SEH1L: variants seen among roughly 807,000 people sequenced by gnomAD.
The protein encoded by SEH1L is SEH1 like nucleoporin, also known as nucleoporin SEH1.
In SEH1L, 18 loss-of-function variants were observed where a neutral mutation model predicts 49.5. The ratio of observed to expected loss-of-function variants is 0.36; its 90% CI spans 0.25 to 0.54. The LOEUF (loss-of-function observed/expected upper bound fraction) is 0.54, where lower values mean the gene tolerates loss of function less well. Among genes scored for constraint, SEH1L ranks in the 20% least tolerant of loss-of-function variants. The pLI is 0.87. For missense variants in SEH1L, 404 were observed against 528.8 expected (o/e 0.76, Z 2.31); for synonymous variants, 169 against 178.1 (o/e 0.95, Z 0.41).
intron 8 of SEH1L, chr18:12,986,645 C>T (rs1312182731): frequency 8.4e-7 from 1 of 1,189,360 alleles, no homozygotes; most frequent in Non-Finnish European, 1.0e-6. Flanking sequence ...AGTTTCTATA[C>T]TTGCTTAAGC....
chr18:12,952,783 T>TC (rs1244564612), intron 2 of SEH1L, among the ~76,000 whole-genome samples: 2 of 148,474 alleles, frequency 1.3e-5, no homozygotes, highest in African/African-American at 5.0e-5. Flanking sequence ...TCTCTTCTTT[T>TC]CTTTTTTTTT....
chr18:12,971,416 A>G lies in SEH1L; in HGVS notation c.620+165A>G, dbSNP rs945297813. On this transcript the variant is annotated intron_variant, in intron 5 of 8. Transcript: ENST00000399892. The stretch of plus-strand genomic sequence containing the variant: ...GGCTGTGATAGCACAGGCATGAGTG[A>G]TAAAGAGGAGAAAGTAGACCAGCCT... 21 of 484,740 alleles carry G rather than the reference A, an allele frequency of 4.3e-5. No homozygotes were observed. In the South Asian group the frequency reaches 5.0e-4, roughly 12 times the overall value. 30.0% of individuals were successfully genotyped at this position (484,740 alleles called of 1,614,324 possible). A position where few individuals can be genotyped will look rare whatever the true frequency, so the allele number is the denominator to read the frequency against.
chr18:12,955,635 G>A (rs758405955), intron 3 of SEH1L, 26 bp downstream of exon 3: 2 of 1,608,916 alleles, frequency 1.2e-6, no homozygotes, highest in South Asian at 1.1e-5. Flanking sequence ...GTATTCTGGG[G>A]ACCGGGAAGA....
rs762036284 is a variant in SEH1L at position 12,978,909 on chromosome 18, T to G, written c.761+17T>G. ...GCCTGTGAGGTGAGTTTTAGAAGCA[T>G]TTATGAATTTGAAAATACTCTTGCC... On this transcript the variant is annotated intron_variant, in intron 6 of 8. Transcript: ENST00000399892. 44 of 1,610,584 alleles carry G rather than the reference T, an allele frequency of 2.7e-5. No individual in the cohort carries two copies. The Admixed American group carries it at 2.8e-4, about 10-fold the overall frequency.
chr18:12,982,007 C>CCGCCACCAT (rs1469366937), intron 6 of SEH1L, among the ~76,000 whole-genome samples: 1 of 151,724 alleles, frequency 6.6e-6, no homozygotes, highest in African/African-American at 2.4e-5. Flanking sequence ...CTACAGGCGC[C>CCGCCACCAT]CGCCACCATG....
At chr18:12,979,702 CCCCCCCA>C (rs1469008357) in intron 6 of SEH1L, among the ~76,000 whole-genome samples, 3 of 148,532 alleles carry the variant, frequency 2.0e-5, no homozygotes, top group South Asian at 2.1e-4. Context: ...GGGGGGCTGA[CCCCCCCA>C]CCTCCCTCCC....
chr18:12,959,478 G>A (rs1208542021), intron 3 of SEH1L, among the ~76,000 whole-genome samples: 21 of 152,170 alleles, frequency 1.4e-4, no homozygotes, highest in Admixed American at 1.4e-3. Context: ...ACCGTGGCCA[G>A]CCCCAGTTAA....
At chr18:12,986,230 T>A (rs2032451922) in intron 8 of SEH1L, 1 of 985,378 alleles carries the variant, frequency 1.0e-6, no homozygotes, top group African/African-American at 1.7e-5. Flanking sequence ...TTTGCTAATA[T>A]GCGTAAGTAT....
chr18:12,986,520 TCAG>T, intron 8 of SEH1L: 1 of 976,916 alleles, frequency 1.0e-6, no homozygotes, highest in Non-Finnish European at 1.2e-6. Flanking sequence ...CAGAATAGCA[TCAG>T]ATGTTTCTGA....
intron 6 of SEH1L, among the ~76,000 whole-genome samples, chr18:12,980,274 C>T (rs1430277508): frequency 4.5e-5 from 6 of 133,306 alleles, no homozygotes; most frequent in East Asian, 2.9e-4. Flanking sequence ...CCGGTCGGGG[C>T]GGCTGGCCGG....
chr18:12,986,233 G>A lies in SEH1L; in HGVS notation c.1071-629G>A, dbSNP rs1010740636. 2.7e-5 allele frequency: 27 copies of A among 985,196 alleles called. No individual in the cohort carries two copies. In the South Asian group the frequency reaches 3.8e-4, roughly 14 times the overall value. The allele number at this position is 985,196 out of a possible 1,614,324, so 61.0% of individuals were successfully genotyped here. Reference sequence around the variant, plus strand: ...TAAATATTTAAGTTTGCTAATATGCGTAAGTATTATCGGTAAGTTACAAGA... The same window carrying A: ...TAAATATTTAAGTTTGCTAATATGCATAAGTATTATCGGTAAGTTACAAGA... On this transcript the variant is annotated intron_variant, in intron 8 of 8. Transcript: ENST00000399892.
chr18:12,974,997 T>A (rs1213086251), intron 5 of SEH1L, among the ~76,000 whole-genome samples: 14 of 150,862 alleles, frequency 9.3e-5, no homozygotes, highest in Non-Finnish European at 2.9e-5. Flanking sequence ...ATTTTTATTT[T>A]ATTTTTTTTT....
chr18:12,986,381 A>C (rs1598987152), intron 8 of SEH1L: 2 of 985,482 alleles, frequency 2.0e-6, no homozygotes, highest in Admixed American at 6.1e-5. Context: ...CTTCAAAAGC[A>C]TGTTGCAGTA....
chr18:12,962,355 CAG>C (rs1291071055), intron 3 of SEH1L, among the ~76,000 whole-genome samples: 1 of 141,862 alleles, frequency 7.0e-6, no homozygotes, highest in Non-Finnish European at 1.5e-5. Context: ...GCCTGGGTGA[CAG>C]AGCAAGACCC....
rs113713245 is a variant in SEH1L, at chr18:12,982,335, T to A, written c.762-183T>A. On this transcript the variant is annotated intron_variant, in intron 6 of 8. Transcript: ENST00000399892. ...TTGGCGAGTTAAATGAAAATGACATTGGCCCAGCTCAAGGGCCAAGGTGTG... is the reference window on the plus strand; with the variant it reads ...TTGGCGAGTTAAATGAAAATGACATAGGCCCAGCTCAAGGGCCAAGGTGTG... 1.5e-3 allele frequency among the ~76,000 whole-genome samples: 231 copies of A among 152,286 alleles called. 1 individual carries two copies. In the Middle Eastern group the frequency reaches 0.02, roughly 13 times the overall value.
chr18:12,986,588 A>G, intron 8 of SEH1L: 1 of 1,001,452 alleles, frequency 1.0e-6, no homozygotes, highest in Non-Finnish European at 1.2e-6. Context: ...TGTAACATTT[A>G]TATATATTTT....
chr18:12,978,880 T>C lies in SEH1L; in HGVS notation c.749T>C (p.Leu250Ser). Residue 250 changes from leucine to serine, a missense_variant, in exon 6 of 9, where the codon TTA (leucine) becomes TCA (serine). Leu to Ser is a moderately radical substitution (Grantham distance 145). Transcript: ENST00000399892. ...IATKDVRIFTLKPVRKELTSS... is the reference protein window; with the variant it reads ...IATKDVRIFTSKPVRKELTSS... Reference sequence around the variant, plus strand: ...ACCAAAGATGTGAGAATTTTTACATTAAAGCCTGTGAGGTGAGTTTTAGAA... The same window carrying C: ...ACCAAAGATGTGAGAATTTTTACATCAAAGCCTGTGAGGTGAGTTTTAGAA... 6.2e-7 allele frequency: 1 copy of C among 1,613,956 alleles called. No individual in the cohort carries two copies. Among genetic ancestry groups the C allele is most frequent in the Non-Finnish European group, 8.5e-7 (1 of 1,179,984 alleles).
At position 12,984,153 on chromosome 18, in the gene SEH1L, A is replaced by C; in HGVS notation, c.1033A>C (p.Ser345Arg). 1 of 1,613,980 alleles carries C rather than the reference A, an allele frequency of 6.2e-7. No individual in the cohort carries two copies. The highest frequency in any genetic ancestry group is 8.5e-7 in the Non-Finnish European group (1 of 1,179,850). ...SNPSLGSTIP[S>R]LQNSLNGSSA... Reference sequence around the variant, plus strand: ...TCCTTCCCTAGGTTCAACTATTCCAAGTCTTCAGAATTCATTAAATGGATC... The same window carrying C: ...TCCTTCCCTAGGTTCAACTATTCCACGTCTTCAGAATTCATTAAATGGATC... Residue 345 changes from serine to arginine, a missense_variant, in exon 8 of 9, where the codon AGT (serine) becomes CGT (arginine). By Grantham distance (110) the Ser-to-Arg change is moderately radical. Coordinates refer to ENST00000399892, the MANE Select transcript of SEH1L (RefSeq NM_001013437.2).
chr18:12,986,277 A>G lies in SEH1L; in HGVS notation c.1071-585A>G, dbSNP rs778112188. On this transcript the variant is annotated intron_variant, in intron 8 of 8. Coordinates refer to ENST00000399892, the MANE Select transcript of SEH1L (RefSeq NM_001013437.2). ...TACAAGATGGAAGAAGAATAACAGT[A>G]GGGCACAGTCATTCTGTGAATCCTT... 126 of 985,334 alleles carry G rather than the reference A, an allele frequency of 1.3e-4. No individual in the cohort carries two copies. In the Middle Eastern group the frequency reaches 2.6e-3, roughly 20 times the overall value. The allele number at this position is 985,334 out of a possible 1,614,324, so 61.0% of individuals were successfully genotyped here. A position where few individuals can be genotyped will look rare whatever the true frequency, so the allele number is the denominator to read the frequency against.
Sources: gnomAD v4.1 joint callset for allele counts (sites outside exome capture counted in the v4.1 genomes callset) on GRCh38, gnomAD v4.1.1 for gene constraint, MANE v1.5 for transcripts, NCBI Gene and HGNC (gene_info 2026-07-23, HGNC 2026-07-21) for gene names.